The following TENM3 variants were observed in gnomAD, a reference collection of about 807,000 sequenced individuals.
TENM3 encodes the protein teneurin-3.
TENM3 carries 63 observed loss-of-function variants against 255.1 expected under a neutral mutation model. The ratio of observed to expected loss-of-function variants is 0.25; its 90% confidence interval spans 0.20 to 0.30. The LOEUF (loss-of-function observed/expected upper bound fraction) is 0.30, where lower values mean the gene tolerates loss of function less well. Ranked by LOEUF, TENM3 falls within the 10% of genes least tolerant of loss-of-function variation. The probability of loss-of-function intolerance (pLI) is 1.00; values close to 1 mark genes in which losing one functional copy is unlikely to be tolerated. For missense variants in TENM3, 2,929 were observed against 3,461.1 expected (o/e 0.85, Z 3.86); for synonymous variants, 1,306 against 1,322.3 (o/e 0.99, Z 0.27).
intron 1 of TENM3, among the ~76,000 whole-genome samples, chr4:182,298,262 G>C (rs1025485300): frequency 1.3e-5 from 2 of 152,248 alleles, no homozygotes; most frequent in Admixed American, 1.3e-4. Flanking sequence ...CTAGCACCTC[G>C]TGCAGTGCCA....
intron 3 of TENM3, among the ~76,000 whole-genome samples, chr4:182,575,711 T>C (rs1257837866): frequency 6.6e-6 from 1 of 152,202 alleles, no homozygotes; most frequent in Non-Finnish European, 1.5e-5. Context: ...AAAGCACCAC[T>C]TTGGTATCAT....
chr4:182,449,694 CAAAA>C (rs1704826960), intron 3 of TENM3, among the ~76,000 whole-genome samples: 1 of 152,138 alleles, frequency 6.6e-6, no homozygotes, highest in Non-Finnish European at 1.5e-5. Context: ...GGAAAAGGTA[CAAAA>C]TAAGCTTGCT....
intron 1 of TENM3, among the ~76,000 whole-genome samples, chr4:182,255,799 C>T (rs1317946760): frequency 6.6e-6 from 1 of 152,088 alleles, no homozygotes; most frequent in African/African-American, 2.4e-5. Context: ...AAATTTGCAT[C>T]CTTCATTGTT....
the TENM3 span, among the ~76,000 whole-genome samples, chr4:181,810,480 G>A: frequency 7.9e-5 from 12 of 151,844 alleles, no homozygotes; most frequent in East Asian, 2.1e-3. Context: ...TTCTGCTTGG[G>A]GGGTAGTGAG....
the TENM3 span, among the ~76,000 whole-genome samples, chr4:181,984,547 T>C: frequency 6.6e-6 from 1 of 152,128 alleles, no homozygotes; most frequent in East Asian, 1.9e-4. Flanking sequence ...ACATTGTGTG[T>C]GTATATGTGT....
intron 12 of TENM3, 52 bp downstream of exon 12, chr4:182,688,403 C>CCGT (rs1355312039): frequency 1.5e-6 from 2 of 1,356,958 alleles, no homozygotes; most frequent in African/African-American, 3.0e-5. Flanking sequence ...AGAAGAGCAC[C>CCGT]GACGGTCAGC....
rs770786890 is a variant in TENM3 at position 182,680,296 on chromosome 4, T to C, written c.1586T>C (p.Val529Ala). The change falls in exon 9 of 28, where the codon GTT (valine) becomes GCT (alanine). Residue 529 changes from valine (V) to alanine (A), a missense_variant. Coordinates refer to ENST00000511685, the MANE Select transcript of TENM3 (RefSeq NM_001080477.4). Reference protein sequence around the residue: ...PRNCHGNGECVSGTCHCFPGF... With the variant: ...PRNCHGNGECASGTCHCFPGF... Reference sequence around the variant, plus strand: ...AATTGCCATGGAAATGGAGAATGCGTTTCTGGAACTTGCCATTGTTTTCCA... The same window carrying C: ...AATTGCCATGGAAATGGAGAATGCGCTTCTGGAACTTGCCATTGTTTTCCA... 2.5e-6 allele frequency: 4 copies of C among 1,613,770 alleles called. No homozygotes were observed. The highest frequency in any genetic ancestry group is 4.5e-5 in the East Asian group (2 of 44,882).
the TENM3 span, chr4:182,012,599 C>A: frequency 1.2e-4 from 18 of 152,206 alleles, no homozygotes; most frequent in Admixed American, 1.2e-3. Context: ...GGACCATACC[C>A]TGCAACATGT....
chr4:181,941,289 C>T, the TENM3 span, among the ~76,000 whole-genome samples: 46 of 145,490 alleles, frequency 3.2e-4, no homozygotes, highest in African/African-American at 1.1e-3. Flanking sequence ...TCTACTCTCT[C>T]TTTCCAGAAC....
At chr4:181,883,010 C>A in the TENM3 span, among the ~76,000 whole-genome samples, 1 of 151,724 alleles carries the variant, frequency 6.6e-6, no homozygotes, top group Non-Finnish European at 1.5e-5. Flanking sequence ...TCAATTTTTT[C>A]AATAGATAAA....
At chr4:182,179,254 G>C (rs1752699502) in intron 1 of TENM3, among the ~76,000 whole-genome samples, 2 of 152,194 alleles carry the variant, frequency 1.3e-5, no homozygotes, top group South Asian at 4.1e-4. Context: ...CTTTGGATTA[G>C]TACAAGAGAG....
At chr4:181,796,497 C>T in the TENM3 span, among the ~76,000 whole-genome samples, 3 of 152,078 alleles carry the variant, frequency 2.0e-5, no homozygotes, top group South Asian at 4.1e-4. Context: ...TGGAGAGTGG[C>T]CTGAAGATCT....
At chr4:182,400,102 G>A (rs1218458984) in intron 3 of TENM3, among the ~76,000 whole-genome samples, 2 of 151,992 alleles carry the variant, frequency 1.3e-5, no homozygotes, top group Non-Finnish European at 2.9e-5. Flanking sequence ...CTTATGTAAT[G>A]TTTAATGTTT....
chr4:182,257,629 G>A (rs1214377856), intron 1 of TENM3, among the ~76,000 whole-genome samples: 1 of 152,136 alleles, frequency 6.6e-6, no homozygotes, highest in Non-Finnish European at 1.5e-5. Context: ...GAAACCTGAG[G>A]CAAGTTGTGG....
the TENM3 span, among the ~76,000 whole-genome samples, chr4:181,893,654 A>G: frequency 1.3e-5 from 2 of 152,098 alleles, no homozygotes; most frequent in Non-Finnish European, 2.9e-5. Flanking sequence ...TACTAATCCC[A>G]AATGAAATGT....
chr4:181,643,994 T>G, the TENM3 span, among the ~76,000 whole-genome samples: 1 of 149,768 alleles, frequency 6.7e-6, no homozygotes. Context: ...GAGAATCACT[T>G]GAACCCAGGA....
the TENM3 span, among the ~76,000 whole-genome samples, chr4:182,115,507 G>A: frequency 6.6e-6 from 1 of 152,300 alleles, no homozygotes; most frequent in East Asian, 1.9e-4. Flanking sequence ...GAGTTGCCTT[G>A]ATCTTGTACT....
the TENM3 span, among the ~76,000 whole-genome samples, chr4:181,542,527 A>G: frequency 6.6e-6 from 1 of 152,196 alleles, no homozygotes. Flanking sequence ...GAAAAGAGAT[A>G]TGGGTAGCTT....
chr4:182,575,935 G>T (rs565428010), intron 3 of TENM3, among the ~76,000 whole-genome samples: 1 of 152,052 alleles, frequency 6.6e-6, no homozygotes, highest in Non-Finnish European at 1.5e-5. Context: ...TTATTCATCC[G>T]GTTACAGAGT....
Sources: allele counts gnomAD v4.1 joint callset (sites outside exome capture counted in the v4.1 genomes callset), GRCh38; gene constraint gnomAD v4.1.1; transcripts MANE v1.5; gene names NCBI Gene and HGNC (gene_info 2026-07-23, HGNC 2026-07-21).